ZDHHC11B: variants seen among roughly 807,000 people sequenced by gnomAD.
ZDHHC11B encodes zDHHC palmitoyltransferase 11B (putative).
In ZDHHC11B, 17 loss-of-function variants were observed where a neutral mutation model predicts 42.3. The observed-to-expected ratio is 0.40, with a 90% CI of 0.27 to 0.60. The LOEUF is 0.60. ZDHHC11B is among the 20% of genes least tolerant of loss of function. ZDHHC11B has a pLI of 0.41. For missense variants in ZDHHC11B, 262 were observed against 463.2 expected (o/e 0.57, Z 3.99); for synonymous variants, 123 against 193.5 (o/e 0.64, Z 3.02).
chr5:774,134 C>G lies in ZDHHC11B; in HGVS notation c.-229-5204G>C, dbSNP rs1326540592. Among the ~76,000 whole-genome samples, 35 of 152,130 alleles carry G rather than the reference C, an allele frequency of 2.3e-4. 2 individuals carry two copies. The South Asian group carries it at 7.1e-3, about 31-fold the overall frequency. ...ACCGCAGGCCACCTTGGCCCCAACC[C>G]CACAGGCTGTTCCTGTTCCCAAGAG... On this transcript the variant is annotated intron_variant, in intron 1 of 13. Coordinates refer to ENST00000508859, the MANE Select transcript of ZDHHC11B (RefSeq NM_001351303.2).
At chr5:760,158 G>A (rs1291965664) in intron 4 of ZDHHC11B, among the ~76,000 whole-genome samples, 11 of 151,840 alleles carry the variant, frequency 7.2e-5, no homozygotes, top group African/African-American at 2.7e-4. Flanking sequence ...CAAAGGAAGA[G>A]TGGAGAGAAG....
Position 752,949 on chromosome 5 carries a change from C to A in ZDHHC11B, c.504-1692G>T, listed in dbSNP as rs397778. Among the ~76,000 whole-genome samples the A allele has an allele frequency of 4.7e-5, 6 of 126,400 alleles. 2 individuals are homozygous for A. The highest frequency in any genetic ancestry group is 7.5e-4 in the South Asian group (2 of 2,666). The allele number at this position is 126,400 out of a possible 152,430, so 82.9% of individuals were successfully genotyped here. On this transcript the variant is annotated intron_variant, in intron 6 of 13. Transcript: ENST00000508859. ...CACAGAGACCAGAGACCACAGAGAC[C>A]AAAGCCCACAGGATGGGGCAGACCC...
At chr5:716,236 A>C (rs71587133) in intron 13 of ZDHHC11B, among the ~76,000 whole-genome samples, 9,110 of 138,974 alleles carry the variant, frequency 0.066, 466 homozygotes, top group Middle Eastern at 0.16. Flanking sequence ...ACCTATTCTG[A>C]TGGCAGAGCA....
intron 1 of ZDHHC11B, among the ~76,000 whole-genome samples, chr5:780,718 G>A (rs1269535395): frequency 3.3e-5 from 5 of 150,520 alleles, no homozygotes; most frequent in South Asian, 2.1e-4. Flanking sequence ...GGGCACTGGC[G>A]AAGGTGGCAG....
intron 13 of ZDHHC11B, among the ~76,000 whole-genome samples, chr5:714,128 A>G (rs1301825734): frequency 7.5e-6 from 1 of 133,130 alleles, no homozygotes; most frequent in South Asian, 2.3e-4. Flanking sequence ...GTGCACACAC[A>G]CACCCTTAAC....
chr5:770,073 G>A (rs542742712), intron 1 of ZDHHC11B, among the ~76,000 whole-genome samples: 24 of 151,850 alleles, frequency 1.6e-4, no homozygotes, highest in Middle Eastern at 3.4e-3. Context: ...CTTGGGGGGC[G>A]TCCTGTTGGC....
intron 4 of ZDHHC11B, among the ~76,000 whole-genome samples, chr5:766,194 G>A (rs1735325405): frequency 6.6e-6 from 1 of 151,942 alleles, no homozygotes; most frequent in African/African-American, 2.4e-5. Flanking sequence ...GAGCAGACAT[G>A]AGTCCCCGCC....
chr5:778,283 C>T (rs1200958846), intron 1 of ZDHHC11B, among the ~76,000 whole-genome samples: 6 of 151,710 alleles, frequency 4.0e-5, no homozygotes, highest in Non-Finnish European at 5.9e-5. Context: ...ATCCCATCAA[C>T]CATGTCGGAG....
At chr5:774,893 C>T (rs1736346306) in intron 1 of ZDHHC11B, among the ~76,000 whole-genome samples, 3 of 151,962 alleles carry the variant, frequency 2.0e-5, no homozygotes, top group Non-Finnish European at 4.4e-5. Flanking sequence ...CCCACGCCCA[C>T]GCGGGGGTGG....
At chr5:715,827 G>A (rs905002847) in intron 13 of ZDHHC11B, among the ~76,000 whole-genome samples, 1 of 151,434 alleles carries the variant, frequency 6.6e-6, no homozygotes, top group Admixed American at 6.6e-5. Flanking sequence ...CTGTGCTGCT[G>A]GGAGACCTTG....
chr5:713,129 A>G (rs1237670156), intron 13 of ZDHHC11B, among the ~76,000 whole-genome samples: 1 of 151,374 alleles, frequency 6.6e-6, no homozygotes, highest in African/African-American at 2.4e-5. Flanking sequence ...CTGGGACTCT[A>G]AACATAACAT....
At chr5:717,941 T>C (rs1452688168) in intron 12 of ZDHHC11B, among the ~76,000 whole-genome samples, 5 of 151,718 alleles carry the variant, frequency 3.3e-5, no homozygotes, top group African/African-American at 4.9e-5. Flanking sequence ...CACCAGATTA[T>C]TGCAGGGGGA....
chr5:775,917 T>C (rs7704699), intron 1 of ZDHHC11B, among the ~76,000 whole-genome samples: 6,112 of 132,534 alleles, frequency 0.046, 152 homozygotes, highest in African/African-American at 0.1. Flanking sequence ...TCTCAGCTGG[T>C]GACAGGAGCT....
intron 1 of ZDHHC11B, among the ~76,000 whole-genome samples, chr5:776,101 C>T (rs1427742075): frequency 2.7e-5 from 4 of 150,292 alleles, no homozygotes; most frequent in African/African-American, 4.9e-5. Flanking sequence ...GGAGCACCCT[C>T]CACCCCAGGC....
chr5:754,634 C>T (rs978328653), intron 6 of ZDHHC11B, among the ~76,000 whole-genome samples: 3 of 56,228 alleles, frequency 5.3e-5, no homozygotes, highest in African/African-American at 1.9e-4. Flanking sequence ...CGCTGGGTGC[C>T]CACTGCCCTT....
intron 4 of ZDHHC11B, among the ~76,000 whole-genome samples, chr5:756,388 T>C (rs1733839226): frequency 6.6e-6 from 1 of 151,048 alleles, no homozygotes; most frequent in Non-Finnish European, 1.5e-5. Flanking sequence ...CCCCGTCCAC[T>C]CGGCCCTGCA....
intron 6 of ZDHHC11B, among the ~76,000 whole-genome samples, chr5:752,347 C>G (rs406100): frequency 5.2e-4 from 49 of 94,242 alleles, no homozygotes; most frequent in East Asian, 1.4e-3. Flanking sequence ...TGCTGTAGAC[C>G]TGAGACCAAA....
intron 4 of ZDHHC11B, among the ~76,000 whole-genome samples, chr5:759,237 G>A (rs1311229915): frequency 2.0e-5 from 3 of 151,840 alleles, no homozygotes; most frequent in Admixed American, 6.6e-5. Flanking sequence ...CGGCGCCGCA[G>A]CGCCAGCCCA....
chr5:773,421 C>T (rs139584692), intron 1 of ZDHHC11B, among the ~76,000 whole-genome samples: 2 of 151,876 alleles, frequency 1.3e-5, no homozygotes, highest in Admixed American at 6.6e-5. Flanking sequence ...ACATGGGGTC[C>T]AAGGACAAGC....
Sources: gnomAD v4.1 joint callset for allele counts (sites outside exome capture counted in the v4.1 genomes callset) on GRCh38, gnomAD v4.1.1 for gene constraint, MANE v1.5 for transcripts, NCBI Gene and HGNC (gene_info 2026-07-23, HGNC 2026-07-21) for gene names.